TEX9: variants seen among roughly 807,000 people sequenced by gnomAD.
TEX9 encodes the protein testis-expressed protein 9.
In TEX9, 74 loss-of-function variants were observed where a neutral mutation model predicts 59.6. The ratio of observed to expected loss-of-function variants is 1.24; its 90% CI spans 1.03 to 1.51. The LOEUF (loss-of-function observed/expected upper bound fraction) is 1.51. TEX9 is among the 40% of genes most tolerant of loss of function. The pLI, the probability that TEX9 is intolerant of heterozygous loss-of-function variation, is 0.00. For synonymous variants in TEX9, 186 were observed against 152.2 expected (o/e 1.22, Z -1.64); for missense variants, 522 against 447.8 (o/e 1.17, Z -1.49).
chr15:56,321,283 A>G (rs1429726069), intron 1 of TEX9, among the ~76,000 whole-genome samples: 9 of 152,278 alleles, frequency 5.9e-5, no homozygotes, highest in Admixed American at 2.6e-4. Context: ...TGGCAAACCA[A>G]AGAACCAAGG....
chr15:56,454,014 G>A, the TEX9 span, among the ~76,000 whole-genome samples: 1 of 152,074 alleles, frequency 6.6e-6, no homozygotes, highest in African/African-American at 2.4e-5. Flanking sequence ...GTCCATTTCT[G>A]CATGACAGTG....
exon 7 of TEX9, chr15:56,391,406 G>T: frequency 6.4e-7 from 1 of 1,550,852 alleles, no homozygotes; most frequent in South Asian, 1.3e-5. Flanking sequence ...TGTTAGTAAT[G>T]ACATTGGAAC....
chr15:56,256,075 C>CA (rs1165146502), intron 1 of TEX9, among the ~76,000 whole-genome samples: 1 of 151,856 alleles, frequency 6.6e-6, no homozygotes, highest in East Asian at 1.9e-4. Flanking sequence ...TCCTTTAATA[C>CA]AAAAAAATTT....
At chr15:56,348,450 A>G (rs1244658665) in intron 1 of TEX9, among the ~76,000 whole-genome samples, 1 of 152,132 alleles carries the variant, frequency 6.6e-6, no homozygotes, top group African/African-American at 2.4e-5. Flanking sequence ...AAAAGTTTGC[A>G]TAGTTTCCTT....
chr15:56,346,007 A>G (rs2141852594), intron 1 of TEX9, among the ~76,000 whole-genome samples: 1 of 152,332 alleles, frequency 6.6e-6, no homozygotes, highest in East Asian at 1.9e-4. Context: ...TGGAGTGCCT[A>G]TCATAAGTGG....
chr15:56,425,804 A>C (rs1197228020), intron 10 of TEX9, among the ~76,000 whole-genome samples: 1 of 151,986 alleles, frequency 6.6e-6, no homozygotes, highest in Non-Finnish European at 1.5e-5. Flanking sequence ...ACATTGAAAA[A>C]CGGGTGTTTG....
At chr15:56,459,582 T>G in the TEX9 span, among the ~76,000 whole-genome samples, 1 of 152,166 alleles carries the variant, frequency 6.6e-6, no homozygotes, top group Admixed American at 6.5e-5. Flanking sequence ...ACTTAGCAAT[T>G]GAAAACTACT....
chr15:56,444,452 T>C (rs764895497), intron 12 of TEX9: 1 of 1,604,936 alleles, frequency 6.2e-7, no homozygotes. Flanking sequence ...ACAACTGATC[T>C]TCTTCATAGA....
intron 1 of TEX9, among the ~76,000 whole-genome samples, chr15:56,281,546 A>AC (rs1323274548): frequency 2.7e-5 from 4 of 150,830 alleles, no homozygotes; most frequent in African/African-American, 9.8e-5. Context: ...ACCATCCCTC[A>AC]CCCCCCGCCC....
the TEX9 span, among the ~76,000 whole-genome samples, chr15:56,452,621 C>T: frequency 6.6e-5 from 10 of 151,504 alleles, no homozygotes; most frequent in Non-Finnish European, 1.3e-4. Flanking sequence ...CAGGTTCAAG[C>T]GATTATCCTG....
intron 10 of TEX9, among the ~76,000 whole-genome samples, chr15:56,421,080 A>T (rs795800): frequency 1.3e-5 from 2 of 151,410 alleles, no homozygotes; most frequent in African/African-American, 4.9e-5. Context: ...GTGTTGTTCA[A>T]TACTTCTGTA....
At chr15:56,272,497 A>T (rs551556462) in intron 1 of TEX9, among the ~76,000 whole-genome samples, 1 of 152,232 alleles carries the variant, frequency 6.6e-6, no homozygotes, top group Non-Finnish European at 1.5e-5. Context: ...TACATAAATT[A>T]TCCAGTTCAT....
intron 10 of TEX9, among the ~76,000 whole-genome samples, chr15:56,413,866 A>T (rs1314470366): frequency 1.3e-5 from 2 of 151,742 alleles, no homozygotes; most frequent in African/African-American, 4.9e-5. Context: ...TGAGAGGCAA[A>T]TATGTGCCGT....
chr15:56,388,651 G>C (rs2048069287), intron 5 of TEX9, 131 bp downstream of exon 5: 1 of 644,900 alleles, frequency 1.6e-6, no homozygotes, highest in Non-Finnish European at 2.7e-6. Context: ...GATACTCAGA[G>C]GGATGCATTT....
intron 1 of TEX9, chr15:56,248,793 T>A (rs1424680540): frequency 2.0e-5 from 3 of 152,112 alleles, no homozygotes; most frequent in Non-Finnish European, 4.4e-5. Context: ...AACACTAAAT[T>A]GTGACACTAA....
chr15:56,409,525 G>C (rs1328436323), intron 9 of TEX9, among the ~76,000 whole-genome samples: 1 of 152,032 alleles, frequency 6.6e-6, no homozygotes, highest in Non-Finnish European at 1.5e-5. Context: ...TTTAGAGAGA[G>C]GATCTCACTC....
chr15:56,309,864 A>G (rs1209178118), intron 1 of TEX9, among the ~76,000 whole-genome samples: 1 of 151,848 alleles, frequency 6.6e-6, no homozygotes, highest in African/African-American at 2.4e-5. Flanking sequence ...GAGCTTGAGT[A>G]GAGTCAGGGA....
chr15:56,344,526 G>A (rs1487305342), intron 1 of TEX9, among the ~76,000 whole-genome samples: 1 of 152,142 alleles, frequency 6.6e-6, no homozygotes, highest in Non-Finnish European at 1.5e-5. Context: ...GAAATGGGAA[G>A]TGAGTCTTAA....
intron 1 of TEX9, among the ~76,000 whole-genome samples, chr15:56,258,158 T>C (rs1249122075): frequency 6.6e-6 from 1 of 152,154 alleles, no homozygotes; most frequent in Non-Finnish European, 1.5e-5. Context: ...GTGTCTGTTC[T>C]TGTACTGGTA....
Sources: allele counts gnomAD v4.1 joint callset (sites outside exome capture counted in the v4.1 genomes callset), GRCh38; gene constraint gnomAD v4.1.1; transcripts MANE v1.5; gene names NCBI Gene and HGNC (gene_info 2026-07-23, HGNC 2026-07-21).